Variants in SPSB4 observed in about 807,000 individuals in gnomAD.
The protein encoded by SPSB4 is SPRY domain-containing SOCS box protein 4.
A neutral mutation model predicts 20.9 loss-of-function variants in SPSB4; 21 were observed. That is an observed-to-expected ratio of 1.01 (90% CI 0.71 to 1.45). The LOEUF (loss-of-function observed/expected upper bound fraction) is 1.45. Among genes scored for constraint, SPSB4 ranks in the 40% most tolerant of loss-of-function variants. The pLI is 0.00. For synonymous variants in SPSB4, 207 were observed against 183.8 expected (o/e 1.13, Z -1.02); for missense variants, 399 against 399.2 (o/e 1.00, Z 0.00).
chr3:141,069,233 A>T (rs1364117743), intron 2 of SPSB4, among the ~76,000 whole-genome samples: 1 of 152,168 alleles, frequency 6.6e-6, no homozygotes, highest in Non-Finnish European at 1.5e-5. Flanking sequence ...TGAAAGGCCT[A>T]TTCATGGCCA....
intron 1 of SPSB4, among the ~76,000 whole-genome samples, chr3:141,052,494 T>A (rs997347604): frequency 6.6e-6 from 1 of 152,232 alleles, no homozygotes; most frequent in Admixed American, 6.5e-5. Flanking sequence ...CCAAGCTTGT[T>A]ATCCAACTTT....
chr3:141,073,096 A>C (rs1189433383), intron 2 of SPSB4, among the ~76,000 whole-genome samples: 1 of 152,190 alleles, frequency 6.6e-6, no homozygotes, highest in Non-Finnish European at 1.5e-5. Context: ...TTTTGATCCC[A>C]ATTGAAATTT....
chr3:141,130,637 C>T (rs1939117328), intron 2 of SPSB4, among the ~76,000 whole-genome samples: 1 of 152,144 alleles, frequency 6.6e-6, no homozygotes, highest in African/African-American at 2.4e-5. Flanking sequence ...AGGGTAGTGA[C>T]TTGTGTCTTG....
intron 2 of SPSB4, among the ~76,000 whole-genome samples, chr3:141,129,460 C>G (rs539869178): frequency 4.6e-5 from 7 of 152,360 alleles, no homozygotes; most frequent in Admixed American, 1.3e-4. Flanking sequence ...TACAAGGCTA[C>G]TGGTCTCGTT....
intron 2 of SPSB4, among the ~76,000 whole-genome samples, chr3:141,075,170 A>C (rs1175929759): frequency 1.5e-5 from 2 of 134,794 alleles, no homozygotes; most frequent in African/African-American, 3.3e-5. Flanking sequence ...AGGATGTAGG[A>C]GCTTAGGAGG....
chr3:141,122,445 C>T (rs1337248065), intron 2 of SPSB4, among the ~76,000 whole-genome samples: 4 of 152,212 alleles, frequency 2.6e-5, no homozygotes, highest in Non-Finnish European at 5.9e-5. Flanking sequence ...AACCACTGCT[C>T]TCTTCAGAGC....
At position 141,051,651 on chromosome 3, in the gene SPSB4, G is replaced by A. The variant is rs1341893941; in HGVS notation, c.-495G>A. The A allele has an allele frequency of 6.6e-6, 1 of 151,986 alleles. No homozygotes were observed. The highest frequency in any genetic ancestry group is 2.4e-5 in the African/African-American group (1 of 41,406). 9.4% of individuals were successfully genotyped at this position (151,986 alleles called of 1,614,324 possible). ...GAGCGCGGGACTCGTCGCCCTCCGG[G>A]TCAGGCGCCAAGCTTCCAAGCGGCT... On this transcript the variant is annotated 5_prime_UTR_variant, in exon 1 of 3. Transcript: ENST00000310546.
chr3:141,066,844 G>A, intron 2 of SPSB4, 46 bp downstream of exon 2: 1 of 1,484,452 alleles, frequency 6.7e-7, no homozygotes, highest in South Asian at 1.4e-5. Context: ...AGGCTGCCAG[G>A]CCCTAGGGAA....
rs1488195777 is a variant in SPSB4, at chr3:141,147,433, G to A, written c.*164G>A. 38 of 1,234,774 alleles carry A rather than the reference G, an allele frequency of 3.1e-5. 1 individual carries two copies. Among genetic ancestry groups the A allele is most frequent in the Admixed American group, 1.0e-4 (4 of 39,838 alleles). 76.5% of individuals were successfully genotyped at this position (1,234,774 alleles called of 1,614,324 possible). A position where few individuals can be genotyped will look rare whatever the true frequency, so the allele number is the denominator to read the frequency against. On this transcript the variant is annotated 3_prime_UTR_variant, in exon 3 of 3. Transcript: ENST00000310546. ...AGGATGTGGTACCAACTTTGGAAAC[G>A]AAAGGTCTCTTGCCAACAGTATCTA... is the stretch of plus-strand genomic sequence containing the variant.
intron 2 of SPSB4, among the ~76,000 whole-genome samples, chr3:141,090,272 CA>C (rs775926018): frequency 1.3e-5 from 2 of 152,178 alleles, no homozygotes; most frequent in Non-Finnish European, 1.5e-5. Context: ...GCACTGAGGA[CA>C]CAAAACAGCA....
intron 2 of SPSB4, among the ~76,000 whole-genome samples, chr3:141,110,485 A>G (rs2107798145): frequency 6.6e-6 from 1 of 152,336 alleles, no homozygotes; most frequent in South Asian, 2.1e-4. Context: ...AGAGAAGGAA[A>G]CTATACCAGT....
At chr3:141,135,338 T>TTCA (rs376338745) in intron 2 of SPSB4, among the ~76,000 whole-genome samples, 2 of 148,818 alleles carry the variant, frequency 1.3e-5, no homozygotes, top group South Asian at 4.2e-4. Flanking sequence ...CAGTTTTTCT[T>TTCA]TTATTATTAT....
At position 141,112,644 on chromosome 3, in the gene SPSB4, CAAAAA is replaced by C. The variant is rs60396514; in HGVS notation, c.695-34477_695-34473del. Among the ~76,000 whole-genome samples the C allele has an allele frequency of 2.4e-4, 8 of 32,880 alleles. No individual in the cohort carries two copies. In the South Asian group the frequency reaches 5.0e-3, roughly 21 times the overall value. 21.6% of individuals were successfully genotyped at this position (32,880 alleles called of 152,430 possible). A position where few individuals can be genotyped will look rare whatever the true frequency, so the allele number is the denominator to read the frequency against. On this transcript the variant is annotated intron_variant, in intron 2 of 2. Transcript: ENST00000310546. Reference sequence around the variant, plus strand: ...TGGGCGACAGAGCGAGACTCCGTCTCAAAAAAAAAAAAAAAAAAAAAAAAAGACAG... The same window carrying C: ...TGGGCGACAGAGCGAGACTCCGTCTCAAAAAAAAAAAAAAAAAAAAGACAG...
chr3:141,070,103 A>T (rs1937968543), intron 2 of SPSB4, among the ~76,000 whole-genome samples: 2 of 152,206 alleles, frequency 1.3e-5, no homozygotes, highest in African/African-American at 4.8e-5. Flanking sequence ...AACTACAAAG[A>T]GCTGCAGGAC....
At chr3:141,057,669 A>G (rs1483718146) in intron 1 of SPSB4, among the ~76,000 whole-genome samples, 1 of 152,184 alleles carries the variant, frequency 6.6e-6, no homozygotes, top group East Asian at 1.9e-4. Flanking sequence ...GGTGGGCACA[A>G]GTACAAGGGC....
intron 2 of SPSB4, among the ~76,000 whole-genome samples, chr3:141,086,103 C>T (rs886369012): frequency 1.6e-4 from 24 of 152,156 alleles, no homozygotes; most frequent in African/African-American, 4.3e-4. Context: ...TTCCAAAATG[C>T]AGTAATACAG....
At chr3:141,098,522 A>G (rs1324508892) in intron 2 of SPSB4, among the ~76,000 whole-genome samples, 1 of 152,154 alleles carries the variant, frequency 6.6e-6, no homozygotes, top group African/African-American at 2.4e-5. Context: ...GTATTTAGGG[A>G]TATAAAATTG....
chr3:141,114,005 T>C lies in SPSB4; in HGVS notation c.695-33137T>C, dbSNP rs557765234. ...TGAGAGGCTGAGGTGGGAGGATTCC[T>C]TGGGCTCAGAAATTTGAGGTTACAG... On this transcript the variant is annotated intron_variant, in intron 2 of 2. Coordinates refer to ENST00000310546, the MANE Select transcript of SPSB4 (RefSeq NM_080862.3). 5.9e-5 allele frequency among the ~76,000 whole-genome samples: 9 copies of C among 152,266 alleles called. No individual in the cohort carries two copies. The East Asian group carries it at 1.7e-3, about 29-fold the overall frequency.
chr3:141,130,153 T>C (rs1939111942), intron 2 of SPSB4, among the ~76,000 whole-genome samples: 1 of 152,202 alleles, frequency 6.6e-6, no homozygotes, highest in South Asian at 2.1e-4. Flanking sequence ...CAGGTAATGA[T>C]ACACTTGACA....
Sources: gnomAD v4.1 joint callset for allele counts (sites outside exome capture counted in the v4.1 genomes callset) on GRCh38, gnomAD v4.1.1 for gene constraint, MANE v1.5 for transcripts, NCBI Gene and HGNC (gene_info 2026-07-23, HGNC 2026-07-21) for gene names.